PPP1R9A: variants seen among roughly 807,000 people sequenced by gnomAD.
PPP1R9A encodes neurabin-1.
Under a neutral mutation model 141.9 loss-of-function variants are expected in PPP1R9A, and 59 were observed. That is an observed-to-expected ratio of 0.42 (90% confidence interval 0.34 to 0.52). The LOEUF (loss-of-function observed/expected upper bound fraction) is 0.52. Among genes scored for constraint, PPP1R9A ranks in the 20% least tolerant of loss-of-function variants. The probability of loss-of-function intolerance (pLI) is 0.10; values close to 1 mark genes in which losing one functional copy is unlikely to be tolerated. For missense variants in PPP1R9A, 1,444 were observed against 1,611.9 expected, an observed-to-expected ratio of 0.90 and a Z score of 1.78; for synonymous variants, 500 against 569.7, an observed-to-expected ratio of 0.88 and a Z score of 1.74.
intron 2 of PPP1R9A, among the ~76,000 whole-genome samples, chr7:94,950,145 G>A (rs1165235791): frequency 6.6e-6 from 1 of 152,000 alleles, no homozygotes; most frequent in Non-Finnish European, 1.5e-5. Flanking sequence ...CTTCAGTAAT[G>A]TATACCTTTT....
chr7:94,964,064 T>C (rs1797939152), intron 2 of PPP1R9A, among the ~76,000 whole-genome samples: 1 of 152,182 alleles, frequency 6.6e-6, no homozygotes, highest in African/African-American at 2.4e-5. Context: ...GTGTTCTGAA[T>C]GCAACTTGTC....
At chr7:94,913,964 G>A (rs1008538098) in intron 2 of PPP1R9A, among the ~76,000 whole-genome samples, 2 of 152,206 alleles carry the variant, frequency 1.3e-5, no homozygotes, top group Middle Eastern at 6.8e-3. Flanking sequence ...GTGGCACTTG[G>A]TTGTACTAAA....
intron 2 of PPP1R9A, among the ~76,000 whole-genome samples, chr7:95,074,364 A>G (rs1036221368): frequency 6.6e-6 from 1 of 152,106 alleles, no homozygotes; most frequent in Admixed American, 6.5e-5. Flanking sequence ...AATGCTGCAA[A>G]GACCGTCTTT....
intron 2 of PPP1R9A, among the ~76,000 whole-genome samples, chr7:95,060,651 G>A (rs554660590): frequency 6.6e-6 from 1 of 152,172 alleles, no homozygotes; most frequent in Non-Finnish European, 1.5e-5. Flanking sequence ...GTTACAACTG[G>A]ATTTAGATGC....
chr7:95,007,281 A>G (rs1398941805), intron 2 of PPP1R9A, among the ~76,000 whole-genome samples: 1 of 152,180 alleles, frequency 6.6e-6, no homozygotes, highest in African/African-American at 2.4e-5. Flanking sequence ...TTTAACCCAG[A>G]TAATTCTTTG....
intron 2 of PPP1R9A, among the ~76,000 whole-genome samples, chr7:94,932,317 T>C (rs900586869): frequency 6.6e-5 from 10 of 152,226 alleles, no homozygotes; most frequent in African/African-American, 2.2e-4. Flanking sequence ...GCCAGCTCCA[T>C]GTTTGAATTC....
intron 2 of PPP1R9A, among the ~76,000 whole-genome samples, chr7:94,963,689 G>A (rs969903112): frequency 1.3e-5 from 2 of 152,118 alleles, no homozygotes; most frequent in Admixed American, 6.5e-5. Context: ...TCAGAAATGC[G>A]TGGGACCAGA....
At chr7:95,009,252 TAACA>T (rs1804067774) in intron 2 of PPP1R9A, among the ~76,000 whole-genome samples, 1 of 152,190 alleles carries the variant, frequency 6.6e-6, no homozygotes. Context: ...GATACATATG[TAACA>T]AACCTGCACG....
At chr7:95,193,014 T>C (rs947046708) in intron 5 of PPP1R9A, among the ~76,000 whole-genome samples, 1 of 152,096 alleles carries the variant, frequency 6.6e-6, no homozygotes, top group African/African-American at 2.4e-5. Flanking sequence ...GCATTCAAAT[T>C]CTTTCATGTA....
intron 2 of PPP1R9A, among the ~76,000 whole-genome samples, chr7:95,060,010 A>G (rs1466157488): frequency 6.6e-6 from 1 of 152,168 alleles, no homozygotes; most frequent in East Asian, 1.9e-4. Context: ...TGAGCAGACA[A>G]CTTGGCAGCA....
At chr7:95,202,523 G>GTTTTTTTTTTTTTTTTTTTTTT (rs397726950) in intron 6 of PPP1R9A, 1 of 574,112 alleles carries the variant, frequency 1.7e-6, no homozygotes. Flanking sequence ...TTGATCACTT[G>GTTTTTTTTTTTTTTTTTTTTTT]TTTTTTTTTT....
chr7:95,074,044 C>G (rs145034435), intron 2 of PPP1R9A, among the ~76,000 whole-genome samples: 46 of 152,288 alleles, frequency 3.0e-4, no homozygotes, highest in Admixed American at 5.2e-4. Flanking sequence ...CCAATTCCCA[C>G]GTTTACTATG....
intron 12 of PPP1R9A, among the ~76,000 whole-genome samples, chr7:95,256,044 G>A (rs1040681993): frequency 4.6e-5 from 7 of 152,034 alleles, no homozygotes; most frequent in Admixed American, 3.9e-4. Flanking sequence ...AATACTGCAT[G>A]TTATCTTCCC....
chr7:95,118,991 A>G (rs1321686374), intron 3 of PPP1R9A, among the ~76,000 whole-genome samples: 1 of 151,798 alleles, frequency 6.6e-6, no homozygotes, highest in Admixed American at 6.6e-5. Flanking sequence ...CAAACAAAAA[A>G]AAAAAAAGAA....
chr7:94,990,003 A>G (rs1801312478), intron 2 of PPP1R9A, among the ~76,000 whole-genome samples: 2 of 152,066 alleles, frequency 1.3e-5, no homozygotes, highest in African/African-American at 4.8e-5. Context: ...AAAATATGAA[A>G]AATTTTAGTT....
At chr7:94,969,664 C>T (rs1798640863) in intron 2 of PPP1R9A, among the ~76,000 whole-genome samples, 1 of 152,148 alleles carries the variant, frequency 6.6e-6, no homozygotes, top group South Asian at 2.1e-4. Flanking sequence ...CTTAGCAGAG[C>T]TTAAGCACTG....
intron 2 of PPP1R9A, among the ~76,000 whole-genome samples, chr7:95,030,962 C>A (rs1369325235): frequency 6.6e-6 from 1 of 152,060 alleles, no homozygotes; most frequent in Non-Finnish European, 1.5e-5. Context: ...GAATATAGGG[C>A]AGGTGGCTTA....
In PPP1R9A at chr7:95,252,122, T is replaced by G. The variant is rs1585470202; in HGVS notation, c.2657T>G (p.Leu886Arg). 11 of 1,591,044 alleles carry G rather than the reference T, an allele frequency of 6.9e-6. No individual in the cohort carries two copies. Among genetic ancestry groups the G allele is most frequent in the Non-Finnish European group, 9.4e-6 (11 of 1,173,322 alleles). The part of the protein sequence containing the change: ...DGKQTSCQDG[L>R]SQDLNEAVPE... ...AAGCAGACATCTTGCCAAGATGGCCTAAGTCAAGGTTTGTTTAACCCAACC... is the reference window on the plus strand; with the variant it reads ...AAGCAGACATCTTGCCAAGATGGCCGAAGTCAAGGTTTGTTTAACCCAACC... Residue 886 changes from leucine to arginine, a missense_variant, in exon 12 of 20, where the codon CTA (leucine) becomes CGA (arginine). By Grantham distance (102) the Leu-to-Arg change is moderately radical (BLOSUM62 -2). Coordinates refer to ENST00000433360, the MANE Select transcript of PPP1R9A (RefSeq NM_001166160.2).
chr7:95,277,204 G>C (rs1376671423), intron 16 of PPP1R9A, among the ~76,000 whole-genome samples: 1 of 152,140 alleles, frequency 6.6e-6, no homozygotes, highest in Non-Finnish European at 1.5e-5. Context: ...AGATTTTAAA[G>C]AGGCAAGACT....
Sources: allele counts gnomAD v4.1 joint callset (sites outside exome capture counted in the v4.1 genomes callset), GRCh38; gene constraint gnomAD v4.1.1; transcripts MANE v1.5; gene names NCBI Gene and HGNC (gene_info 2026-07-23, HGNC 2026-07-21).